Variants in CPLANE1 observed in about 807,000 individuals in gnomAD.
The protein encoded by CPLANE1 is ciliogenesis and planar polarity effector 1.
CPLANE1 carries 263 observed loss-of-function variants against 362.5 expected under a neutral mutation model. That is an observed-to-expected ratio of 0.73 (90% CI 0.66 to 0.80). The LOEUF is 0.80. CPLANE1 is among the 30% of genes least tolerant of loss of function. CPLANE1 has a pLI of 0.00. For missense variants in CPLANE1, 3,461 were observed against 3,793.4 expected (o/e 0.91, Z 2.30); for synonymous variants, 1,212 against 1,302.6 (o/e 0.93, Z 1.50).
At chr5:37,210,252 A>G in intron 16 of CPLANE1, 1 of 1,605,196 alleles carries the variant, frequency 6.2e-7, no homozygotes, top group Non-Finnish European at 8.5e-7. Flanking sequence ...GGATTTGCTA[A>G]GAGGAAGAGA....
At chr5:37,142,006 T>A (rs1769893682) in intron 44 of CPLANE1, 2 of 692,058 alleles carry the variant, frequency 2.9e-6, no homozygotes, top group Non-Finnish European at 3.6e-6. Context: ...GTTCTTATAA[T>A]TGGAAGAGTT....
In CPLANE1 at chr5:37,170,238, A is replaced by C; in HGVS notation, c.6265T>G (p.Ser2089Ala). 2 of 1,614,196 alleles carry C rather than the reference A, an allele frequency of 1.2e-6. No individual in the cohort carries two copies. Among genetic ancestry groups the C allele is most frequent in the Non-Finnish European group, 1.7e-6 (2 of 1,180,022 alleles). ...DTQQLVQQSQ[S>A]VHLGESQESN... ...TCTTGGCTTTCCCCTAAATGCACAG[A>C]CTGAGACTGCTGTACAAGTTGTTGT... Residue 2089 changes from serine to alanine, a missense_variant, in exon 33 of 53, where the codon TCT (serine) becomes GCT (alanine). Ser to Ala is a moderately conservative substitution (Grantham distance 99). Transcript: ENST00000651892.
intron 9 of CPLANE1, 122 bp from the exon 10 acceptor site, chr5:37,227,939 C>CAAAAAT: frequency 1.2e-6 from 1 of 869,340 alleles, no homozygotes; most frequent in Non-Finnish European, 1.7e-6. Flanking sequence ...GTGAAACACA[C>CAAAAAT]AAAAATATTA....
chr5:37,164,984 T>C (rs1382403317), intron 36 of CPLANE1, among the ~76,000 whole-genome samples: 1 of 152,084 alleles, frequency 6.6e-6, no homozygotes, highest in Non-Finnish European at 1.5e-5. Flanking sequence ...CACACACCTG[T>C]AGTTCTAGCT....
chr5:37,238,590 G>A (rs540454998), intron 8 of CPLANE1, among the ~76,000 whole-genome samples: 32 of 141,750 alleles, frequency 2.3e-4, no homozygotes, highest in African/African-American at 8.0e-4. Flanking sequence ...TATCACCCAC[G>A]TTCAGGTGAT....
At chr5:37,128,286 C>G (rs752591933) in intron 46 of CPLANE1, among the ~76,000 whole-genome samples, 3 of 152,114 alleles carry the variant, frequency 2.0e-5, no homozygotes, top group Non-Finnish European at 4.4e-5. Context: ...GTCACTCTTA[C>G]CACCTGATAG....
rs550779946 is a variant in CPLANE1, at chr5:37,130,215, T to C, written c.8793-4806A>G. ...GGCAAAGGCATAAGAATGATAACAA[T>C]GAACTTCAGGGACTTGGGAGAAAGG... On this transcript the variant is annotated intron_variant, in intron 46 of 52. Transcript: ENST00000651892. Among the ~76,000 whole-genome samples, 159 of 152,176 alleles carry C rather than the reference T, an allele frequency of 1.0e-3. 2 individuals carry two copies. Among genetic ancestry groups the C allele is most frequent in the Middle Eastern group, 6.8e-3 (2 of 294 alleles).
Position 37,169,329 on chromosome 5 carries a change from G to A in CPLANE1, c.6695C>T (p.Ser2232Phe), listed in dbSNP as rs751344423. 2.0e-5 allele frequency: 32 copies of A among 1,614,026 alleles called. No homozygotes were observed. In the East Asian group the frequency reaches 6.9e-4, roughly 35 times the overall value. ...GAAAAGGGGCTGGAATTCTTGTTTA[G>A]ACTTAAATTGAAGCAAAGGAAAGCC... ...GDGFPLLQFK[S>F]KQEFQPLFLH... Residue 2232 changes from serine to phenylalanine, a missense_variant, in exon 34 of 53, where the codon TCT becomes TTT. Physicochemically the swap from Ser to Phe is radical, Grantham distance 155. This residue lies in a region of CPLANE1 where 3,380 missense variants were observed against 3,666.1 expected (regional missense o/e 0.92). Coordinates refer to ENST00000651892, the MANE Select transcript of CPLANE1 (RefSeq NM_001384732.1).
In CPLANE1 at chr5:37,187,402, C is replaced by T. The variant is rs529477259; in HGVS notation, c.4080+12G>A. 16 of 1,595,220 alleles carry T rather than the reference C, an allele frequency of 1.0e-5. No homozygotes were observed. The highest frequency in any genetic ancestry group is 1.3e-5 in the Non-Finnish European group (15 of 1,172,910). ...TTCTGATGTAGTTTACTTTCACCTA[C>T]AAGCACATTACCTTTCTGATTGGTG... On this transcript the variant is annotated intron_variant, in intron 23 of 52. Coordinates refer to ENST00000651892, the MANE Select transcript of CPLANE1 (RefSeq NM_001384732.1).
chr5:37,224,280 T>C lies in CPLANE1; in HGVS notation c.2554A>G (p.Lys852Glu), dbSNP rs755666811. The C allele has an allele frequency of 3.9e-6, 6 of 1,549,590 alleles. No individual in the cohort carries two copies. The highest frequency in any genetic ancestry group is 5.2e-6 in the Non-Finnish European group (6 of 1,146,224). ...SYEKSVQLWK[K>E]ALQEIEEKGG... is the part of the protein sequence containing the mutation. Reference sequence around the variant, plus strand: ...TTCTCTTCGATTTCTTGTAGAGCTTTTTTCCACAGCTGAACAGACTTTTCA... The same window carrying C: ...TTCTCTTCGATTTCTTGTAGAGCTTCTTTCCACAGCTGAACAGACTTTTCA... The change falls in exon 14 of 53, where the codon AAA (lysine) becomes GAA (glutamate). Residue 852 changes from lysine to glutamate, a missense_variant. Physicochemically the swap from Lys to Glu is moderately conservative, Grantham distance 56 (BLOSUM62 1). This residue lies in a region of CPLANE1 where 3,380 missense variants were observed against 3,666.1 expected (regional missense o/e 0.92). Transcript: ENST00000651892.
chr5:37,202,356 C>T (rs1789446961), intron 18 of CPLANE1, among the ~76,000 whole-genome samples: 1 of 152,002 alleles, frequency 6.6e-6, no homozygotes, highest in Non-Finnish European at 1.5e-5. Context: ...TGAGGTTTCA[C>T]CATGTTGGTC....
At chr5:37,243,325 T>G (rs1800984786) in intron 5 of CPLANE1, among the ~76,000 whole-genome samples, 1 of 152,290 alleles carries the variant, frequency 6.6e-6, no homozygotes, top group African/African-American at 2.4e-5. Flanking sequence ...GGTTGTAGTT[T>G]ATGCTCTTAA....
At chr5:37,218,529 T>TGAGTA (rs1794665802) in intron 15 of CPLANE1, among the ~76,000 whole-genome samples, 1 of 152,222 alleles carries the variant, frequency 6.6e-6, no homozygotes, top group South Asian at 2.1e-4. Flanking sequence ...ATCATAGCTA[T>TGAGTA]GAGTACAACT....
At chr5:37,225,673 G>A (rs2150416718) in intron 12 of CPLANE1, among the ~76,000 whole-genome samples, 1 of 152,128 alleles carries the variant, frequency 6.6e-6, no homozygotes, top group East Asian at 1.9e-4. Context: ...CCAACATGGT[G>A]AAACCCCGTC....
At chr5:37,213,309 T>G (rs1249830094) in intron 16 of CPLANE1, among the ~76,000 whole-genome samples, 2 of 152,146 alleles carry the variant, frequency 1.3e-5, no homozygotes, top group African/African-American at 4.8e-5. Flanking sequence ...AATTAAAATT[T>G]AAAACTAAAA....
At chr5:37,125,168 C>A (rs1331349858) in intron 47 of CPLANE1, 76 bp downstream of exon 47, 15 of 1,482,302 alleles carry the variant, frequency 1.0e-5, no homozygotes, top group Non-Finnish European at 1.3e-5. Flanking sequence ...TTATGTTAAT[C>A]TTTTTCTTAA....
At chr5:37,142,764 C>A (rs575360915) in intron 43 of CPLANE1, 61 of 188,500 alleles carry the variant, frequency 3.2e-4, no homozygotes, top group African/African-American at 1.4e-3. Flanking sequence ...TTTTAATATA[C>A]GACCAATCTT....
chr5:37,140,303 A>T (rs1199613907), intron 44 of CPLANE1: 1 of 973,142 alleles, frequency 1.0e-6, no homozygotes, highest in Non-Finnish European at 1.2e-6. Context: ...AGACTTACAC[A>T]TTCACATGGT....
At chr5:37,239,397 A>G (rs1009447877) in intron 7 of CPLANE1, among the ~76,000 whole-genome samples, 11 of 152,134 alleles carry the variant, frequency 7.2e-5, no homozygotes, top group South Asian at 6.2e-4. Context: ...CCTGGGCAAT[A>G]TGGCAAAACC....
Sources: gnomAD v4.1 joint callset for allele counts (sites outside exome capture counted in the v4.1 genomes callset) on GRCh38, gnomAD v4.1.1 for gene constraint, gnomAD v4.1.1 regional missense constraint, MANE v1.5 for transcripts, NCBI Gene and HGNC (gene_info 2026-07-23, HGNC 2026-07-21) for gene names.